The following MAGI2 variants were observed in gnomAD, a reference collection of about 807,000 sequenced individuals.
MAGI2 encodes membrane associated guanylate kinase, WW and PDZ domain containing 2, also known as membrane-associated guanylate kinase, WW and PDZ domain-containing protein 2.
In MAGI2, 35 loss-of-function variants were observed where a neutral mutation model predicts 133.3. The observed-to-expected ratio is 0.26, with a 90% confidence interval of 0.20 to 0.35. The LOEUF is 0.35. Among genes scored for constraint, MAGI2 ranks in the 10% least tolerant of loss-of-function variants. The pLI, the probability that MAGI2 is intolerant of heterozygous loss-of-function variation, is 1.00. For synonymous variants in MAGI2, 729 were observed against 710.6 expected (o/e 1.03, Z -0.41); for missense variants, 1,636 against 1,863.4 (o/e 0.88, Z 2.25).
chr7:79,079,857 T>G (rs1456026509), intron 1 of MAGI2, among the ~76,000 whole-genome samples: 1 of 152,154 alleles, frequency 6.6e-6, no homozygotes. Context: ...GGTGCAATCC[T>G]CTGGGTAAAA....
chr7:78,292,383 G>A (rs1796808156), intron 9 of MAGI2, among the ~76,000 whole-genome samples: 1 of 152,150 alleles, frequency 6.6e-6, no homozygotes, highest in Non-Finnish European at 1.5e-5. Flanking sequence ...CAAGGGATGT[G>A]AAGGACCTCT....
intron 6 of MAGI2, chr7:78,484,836 T>G (rs940106820): frequency 6.6e-6 from 1 of 152,002 alleles, no homozygotes; most frequent in Non-Finnish European, 1.5e-5. Flanking sequence ...ACAACTCCCA[T>G]TTACAGGTAA....
At chr7:79,097,725 G>A (rs1471131944) in intron 1 of MAGI2, among the ~76,000 whole-genome samples, 1 of 152,202 alleles carries the variant, frequency 6.6e-6, no homozygotes, top group Non-Finnish European at 1.5e-5. Context: ...TTGCAGGGAT[G>A]CCTAAAATCC....
intron 1 of MAGI2, among the ~76,000 whole-genome samples, chr7:79,316,985 GA>G (rs958034156): frequency 4.7e-5 from 6 of 126,892 alleles, no homozygotes; most frequent in African/African-American, 1.1e-4. Flanking sequence ...AGTTAATGTA[GA>G]AAAAAAAATG....
chr7:78,314,702 TATA>T (rs971138802), intron 9 of MAGI2, among the ~76,000 whole-genome samples: 5 of 152,304 alleles, frequency 3.3e-5, no homozygotes, highest in Admixed American at 1.3e-4. Flanking sequence ...TTTGCTCAAT[TATA>T]ATAATTGTGG....
intron 2 of MAGI2, among the ~76,000 whole-genome samples, chr7:78,973,490 C>A (rs1042364617): frequency 6.6e-6 from 1 of 151,512 alleles, no homozygotes; most frequent in Non-Finnish European, 1.5e-5. Context: ...GTGCAAACAG[C>A]CTTAAGTTGT....
At chr7:78,785,645 G>A (rs1271151731) in intron 2 of MAGI2, among the ~76,000 whole-genome samples, 2 of 152,108 alleles carry the variant, frequency 1.3e-5, no homozygotes, top group East Asian at 3.9e-4. Context: ...TTTACTCCTT[G>A]CTTTTGAGAA....
At chr7:78,121,638 T>C (rs936660682) in intron 20 of MAGI2, among the ~76,000 whole-genome samples, 11 of 152,236 alleles carry the variant, frequency 7.2e-5, no homozygotes, top group African/African-American at 2.4e-4. Flanking sequence ...CATATGCTAA[T>C]ACAAGTATAA....
At chr7:79,111,207 A>C (rs1450382100) in intron 1 of MAGI2, among the ~76,000 whole-genome samples, 1 of 152,210 alleles carries the variant, frequency 6.6e-6, no homozygotes, top group African/African-American at 2.4e-5. Context: ...CTTATTATTA[A>C]CTCAGACTTT....
chr7:79,446,876 C>T (rs189143354), intron 1 of MAGI2, among the ~76,000 whole-genome samples: 1,724 of 152,108 alleles, frequency 0.011, 22 homozygotes, highest in African/African-American at 0.04. Flanking sequence ...GGCGTGAACC[C>T]GGGAGGCGGA....
At chr7:78,940,363 T>C (rs990107587) in intron 2 of MAGI2, 1 of 152,200 alleles carries the variant, frequency 6.6e-6, no homozygotes, top group South Asian at 2.1e-4. Flanking sequence ...CTATGTCTGC[T>C]TGTGAGGCCA....
intron 1 of MAGI2, among the ~76,000 whole-genome samples, chr7:79,135,706 G>C (rs1274547165): frequency 3.9e-5 from 6 of 151,942 alleles, no homozygotes; most frequent in Admixed American, 1.3e-4. Context: ...GGAGGCTGAG[G>C]TGGGATGAGA....
chr7:79,357,514 C>T lies in MAGI2; in HGVS notation c.301+95506G>A, dbSNP rs145932598. On this transcript the variant is annotated intron_variant, in intron 1 of 21. Coordinates refer to ENST00000354212, the MANE Select transcript of MAGI2 (RefSeq NM_012301.4). Reference sequence around the variant, plus strand: ...AATGTCCTCTCTTAAGGCTGCCCTGCTTTATTTTTAATTTTAGATACAAAA... The same window carrying T: ...AATGTCCTCTCTTAAGGCTGCCCTGTTTTATTTTTAATTTTAGATACAAAA... Among the ~76,000 whole-genome samples the T allele has an allele frequency of 3.6e-3, 549 of 152,274 alleles. 3 individuals are homozygous for T. The highest frequency in any genetic ancestry group is 0.013 in the African/African-American group (530 of 41,566).
At position 78,477,963 on chromosome 7, in the gene MAGI2, G is replaced by A. The variant is rs566703049; in HGVS notation, c.1045+11798C>T. 3.8e-3 allele frequency among the ~76,000 whole-genome samples: 582 copies of A among 151,630 alleles called. 5 individuals are homozygous for A. Among genetic ancestry groups the A allele is most frequent in the African/African-American group, 0.014 (566 of 41,342 alleles). On this transcript the variant is annotated intron_variant, in intron 6 of 21. Coordinates refer to ENST00000354212, the MANE Select transcript of MAGI2 (RefSeq NM_012301.4). ...TTATACTTTAAGTTCTGGGGTACAC[G>A]TGCAGAACGTGCAGGTTTGTTACAC...
At chr7:78,848,590 A>G (rs528794555) in intron 2 of MAGI2, among the ~76,000 whole-genome samples, 1 of 152,080 alleles carries the variant, frequency 6.6e-6, no homozygotes, top group South Asian at 2.1e-4. Flanking sequence ...TTCATGACCT[A>G]CTTCTACTGA....
chr7:78,721,450 G>A lies in MAGI2; in HGVS notation c.419-94211C>T, dbSNP rs190980730. 3.5e-3 allele frequency among the ~76,000 whole-genome samples: 530 copies of A among 152,118 alleles called. 1 individual carries two copies. Among genetic ancestry groups the A allele is most frequent in the Middle Eastern group, 0.01 (3 of 294 alleles). On this transcript the variant is annotated intron_variant, in intron 2 of 21. Coordinates refer to ENST00000354212, the MANE Select transcript of MAGI2 (RefSeq NM_012301.4). ...TACCTTCAAGTTACCAAGGGCATAT[G>A]TATGACATATGTGGGTTACCTGATA...
At chr7:78,869,668 G>T (rs980331746) in intron 2 of MAGI2, among the ~76,000 whole-genome samples, 1 of 152,164 alleles carries the variant, frequency 6.6e-6, no homozygotes, top group Non-Finnish European at 1.5e-5. Flanking sequence ...GCTAGGAAGA[G>T]CAAGGAAAAC....
intron 2 of MAGI2, among the ~76,000 whole-genome samples, chr7:78,779,260 C>T (rs113357606): frequency 2.6e-4 from 40 of 151,984 alleles, no homozygotes; most frequent in African/African-American, 8.7e-4. Flanking sequence ...TTTTTTCCCC[C>T]AGGCTTGATC....
At chr7:78,992,212 A>T (rs752289448) in intron 2 of MAGI2, among the ~76,000 whole-genome samples, 6 of 152,022 alleles carry the variant, frequency 3.9e-5, no homozygotes, top group Non-Finnish European at 7.4e-5. Context: ...AGTCAGTTGT[A>T]TGTATTCTGT....
Sources: allele counts gnomAD v4.1 joint callset (sites outside exome capture counted in the v4.1 genomes callset), GRCh38; gene constraint gnomAD v4.1.1; transcripts MANE v1.5; gene names NCBI Gene and HGNC (gene_info 2026-07-23, HGNC 2026-07-21).